Variants in EYS observed in about 807,000 individuals in gnomAD.
EYS encodes the protein EGF-like photoreceptor maintenance factor, also known as protein eyes shut homolog.
A neutral mutation model predicts 282.1 loss-of-function variants in EYS; 250 were observed. That is an observed-to-expected ratio of 0.89 (90% CI 0.80 to 0.98). EYS has a LOEUF of 0.98. Ranked by LOEUF, EYS falls within the 50% of genes least tolerant of loss-of-function variation. The pLI is 0.00. For synonymous variants in EYS, 1,355 were observed against 1,282.9 expected (o/e 1.06, Z -1.20); for missense variants, 4,016 against 3,709.0 (o/e 1.08, Z -2.15).
intron 36 of EYS, among the ~76,000 whole-genome samples, chr6:63,852,608 G>A (rs913374988): frequency 5.3e-5 from 8 of 152,162 alleles, no homozygotes; most frequent in African/African-American, 1.9e-4. Context: ...TAGAAGAAGA[G>A]GGTCTCCTCC....
intron 19 of EYS, among the ~76,000 whole-genome samples, chr6:64,846,700 A>AG (rs1765726490): frequency 6.6e-6 from 1 of 152,120 alleles, no homozygotes; most frequent in Admixed American, 6.6e-5. Flanking sequence ...CCCAATATAA[A>AG]ATCTCATTGA....
rs1043525060 is a variant in EYS at position 64,417,334 on chromosome 6, G to A, written c.5927+18840C>T. On this transcript the variant is annotated intron_variant, in intron 28 of 42. Transcript: ENST00000503581. ...GAGATTTAAGGTTCTGAGTTCTTTG[G>A]TAACAGGTACAGGGGTTTACAATGG... 1.1e-4 allele frequency among the ~76,000 whole-genome samples: 17 copies of A among 152,218 alleles called. No homozygotes were observed. The East Asian group carries it at 2.3e-3, about 21-fold the overall frequency.
At chr6:64,813,277 T>C (rs1049879964) in intron 22 of EYS, 101 bp downstream of exon 22, 4 of 808,812 alleles carry the variant, frequency 4.9e-6, no homozygotes, top group Admixed American at 7.4e-5. Flanking sequence ...AAAATCTTAC[T>C]TCAAAACTTA....
chr6:65,005,714 C>G lies in EYS; in HGVS notation c.2138-8011G>C, dbSNP rs1033176743. Among the ~76,000 whole-genome samples the G allele has an allele frequency of 1.5e-5, 2 of 130,188 alleles. 1 individual carries two copies. Among genetic ancestry groups the G allele is most frequent in the Non-Finnish European group, 3.6e-5 (2 of 55,504 alleles). The allele number at this position is 130,188 out of a possible 152,430, so 85.4% of individuals were successfully genotyped here. ...CCTTCTATTGGGGATGTTGATCTGCCTGGAGCCAGCTTCCACTTTCAATTT... is the reference window on the plus strand; with the variant it reads ...CCTTCTATTGGGGATGTTGATCTGCGTGGAGCCAGCTTCCACTTTCAATTT... On this transcript the variant is annotated intron_variant, in intron 13 of 42. Transcript: ENST00000503581.
intron 26 of EYS, among the ~76,000 whole-genome samples, chr6:64,520,244 A>C (rs942406173): frequency 9.9e-5 from 15 of 151,766 alleles, no homozygotes; most frequent in African/African-American, 3.6e-4. Flanking sequence ...GGAGGAGGGA[A>C]TGTTCCTTAA....
At chr6:65,376,699 G>T (rs1000050020) in intron 8 of EYS, among the ~76,000 whole-genome samples, 1 of 151,838 alleles carries the variant, frequency 6.6e-6, no homozygotes, top group African/African-American at 2.4e-5. Context: ...CAAATGGAAA[G>T]CAAAAAAAGC....
At chr6:64,356,749 C>A (rs773505374) in intron 29 of EYS, among the ~76,000 whole-genome samples, 2 of 151,598 alleles carry the variant, frequency 1.3e-5, no homozygotes, top group Non-Finnish European at 3.0e-5. Context: ...AAGAAATATG[C>A]AACATTGTTA....
At chr6:63,903,481 T>G (rs1773705243) in intron 35 of EYS, among the ~76,000 whole-genome samples, 1 of 152,196 alleles carries the variant, frequency 6.6e-6, no homozygotes, top group African/African-American at 2.4e-5. Context: ...TTAACTTCAT[T>G]GTTTCTCTAG....
At chr6:64,200,409 A>T (rs1765428138) in intron 31 of EYS, among the ~76,000 whole-genome samples, 1 of 152,112 alleles carries the variant, frequency 6.6e-6, no homozygotes, top group African/African-American at 2.4e-5. Context: ...GTTAATAAGA[A>T]ATTGTGTATG....
intron 12 of EYS, among the ~76,000 whole-genome samples, chr6:65,258,969 G>A (rs1767544320): frequency 1.3e-5 from 2 of 152,038 alleles, no homozygotes; most frequent in Non-Finnish European, 2.9e-5. Context: ...GCAAGCTGGA[G>A]GGGAGTACAG....
intron 7 of EYS, among the ~76,000 whole-genome samples, chr6:65,390,785 G>T (rs1480263932): frequency 1.3e-5 from 2 of 151,906 alleles, no homozygotes; most frequent in Non-Finnish European, 2.9e-5. Flanking sequence ...TTGGGAGGCT[G>T]AGATGAGAGG....
chr6:64,441,333 C>G (rs765868034), intron 26 of EYS, among the ~76,000 whole-genome samples: 1 of 152,286 alleles, frequency 6.6e-6, no homozygotes, highest in Non-Finnish European at 1.5e-5. Context: ...GCAAACTTTC[C>G]ACTCAGGGGA....
At chr6:64,140,885 G>T (rs1226201944) in intron 31 of EYS, among the ~76,000 whole-genome samples, 1 of 152,054 alleles carries the variant, frequency 6.6e-6, no homozygotes, top group South Asian at 2.1e-4. Context: ...CCTAATTTGA[G>T]TGTGCCATCT....
At chr6:64,670,528 C>T (rs924976327) in intron 22 of EYS, among the ~76,000 whole-genome samples, 5 of 152,088 alleles carry the variant, frequency 3.3e-5, no homozygotes, top group African/African-American at 1.2e-4. Flanking sequence ...TTATTGCATT[C>T]GCACAGCTTC....
intron 8 of EYS, among the ~76,000 whole-genome samples, chr6:65,367,261 T>C (rs1764947253): frequency 6.6e-6 from 1 of 151,680 alleles, no homozygotes; most frequent in Non-Finnish European, 1.5e-5. Flanking sequence ...CTAAATCCTG[T>C]TAATAAGCAT....
intron 31 of EYS, among the ~76,000 whole-genome samples, chr6:64,222,034 G>T (rs1766120545): frequency 6.6e-6 from 1 of 151,988 alleles, no homozygotes; most frequent in African/African-American, 2.4e-5. Flanking sequence ...CAGGCAAAAG[G>T]TGGCATATTT....
At chr6:63,809,828 AC>A (rs1770995157) in intron 36 of EYS, among the ~76,000 whole-genome samples, 1 of 152,220 alleles carries the variant, frequency 6.6e-6, no homozygotes, top group Non-Finnish European at 1.5e-5. Flanking sequence ...AAAAGTTATC[AC>A]AGAAAGGGTA....
At position 65,071,771 on chromosome 6, in the gene EYS, T is replaced by C. The variant is rs146875181; in HGVS notation, c.2024-14044A>G. On this transcript the variant is annotated intron_variant, in intron 12 of 42. Transcript: ENST00000503581. ...AATCAACTTGAGAACAGCAGCATGA[T>C]TGAATGTGTCCTCTCCAAAATTCAT... Among the ~76,000 whole-genome samples the C allele has an allele frequency of 2.4e-4, 36 of 151,860 alleles. No homozygotes were observed. In the East Asian group the frequency reaches 6.6e-3, roughly 28 times the overall value.
At chr6:65,020,148 C>T (rs1772203911) in intron 13 of EYS, among the ~76,000 whole-genome samples, 1 of 152,116 alleles carries the variant, frequency 6.6e-6, no homozygotes, top group South Asian at 2.1e-4. Context: ...CATGTCCTCA[C>T]AATTTAAAAC....
Sources: gnomAD v4.1 joint callset for allele counts (sites outside exome capture counted in the v4.1 genomes callset) on GRCh38, gnomAD v4.1.1 for gene constraint, MANE v1.5 for transcripts, NCBI Gene and HGNC (gene_info 2026-07-23, HGNC 2026-07-21) for gene names.